Variants in SGK3 observed in about 807,000 individuals in gnomAD.
SGK3 encodes the protein serum/glucocorticoid regulated kinase family member 3.
Under a neutral mutation model 68.5 loss-of-function variants are expected in SGK3, and 47 were observed. The ratio of observed to expected loss-of-function variants is 0.69; its 90% CI spans 0.54 to 0.87. The LOEUF (loss-of-function observed/expected upper bound fraction) is 0.87, where lower values mean the gene tolerates loss of function less well. Among genes scored for constraint, SGK3 ranks in the 40% least tolerant of loss-of-function variants. The pLI, the probability that SGK3 is intolerant of heterozygous loss-of-function variation, is 0.00. For synonymous variants in SGK3, 181 were observed against 189.1 expected (o/e 0.96, Z 0.35); for missense variants, 479 against 575.5 (o/e 0.83, Z 1.72).
Position 66,850,847 on chromosome 8 carries a change from A to G in SGK3, c.1247A>G (p.His416Arg). 6.2e-7 allele frequency: 1 copy of G among 1,607,316 alleles called. No homozygotes were observed. Among genetic ancestry groups the G allele is most frequent in the East Asian group, 2.2e-5 (1 of 44,788 alleles). The change falls in exon 16 of 17, where the codon CAT (histidine) becomes CGT (arginine). Residue 416 changes from histidine (H) to arginine (R), a missense_variant. Physicochemically the swap from His to Arg is conservative, Grantham distance 29. Coordinates refer to ENST00000521198, the MANE Select transcript of SGK3 (RefSeq NM_001033578.3). ...AKEDFLEIQN[H>R]PFFESLSWAD... is the part of the protein sequence containing the mutation. ...ATATTCCAGCTTGAAATTCAGAATC[A>G]TCCTTTTTTTGAATCACTCAGCTGG... is the stretch of plus-strand genomic sequence containing the variant.
At chr8:66,723,131 A>ATATATATTTTTTTTT (rs1554591219) in intron 1 of SGK3, among the ~76,000 whole-genome samples, 1 of 29,496 alleles carries the variant, frequency 3.4e-5, no homozygotes, top group East Asian at 1.7e-3. Context: ...ATATATATAT[A>ATATATATTTTTTTTT]TTTTTTTTTT....
At chr8:66,729,184 A>C (rs1805066221) in intron 1 of SGK3, among the ~76,000 whole-genome samples, 1 of 133,352 alleles carries the variant, frequency 7.5e-6, no homozygotes, top group Non-Finnish European at 1.6e-5. Flanking sequence ...GCGCCTCTGC[A>C]CTCCTCTCAC....
chr8:66,828,713 A>G lies in SGK3; in HGVS notation c.467+10A>G, dbSNP rs776688735. ...CGTCTGGAAATCCTCAGTATGTTTA[A>G]TTTGCTTCAAACAATTTTTTAACTG... On this transcript the variant is annotated intron_variant, in intron 7 of 16. Coordinates refer to ENST00000521198, the MANE Select transcript of SGK3 (RefSeq NM_001033578.3). 6.2e-7 allele frequency: 1 copy of G among 1,613,832 alleles called. No individual in the cohort carries two copies. Among genetic ancestry groups the G allele is most frequent in the Non-Finnish European group, 8.5e-7 (1 of 1,179,986 alleles).
intron 1 of SGK3, among the ~76,000 whole-genome samples, chr8:66,789,175 G>T (rs2130557160): frequency 6.6e-6 from 1 of 151,496 alleles, no homozygotes; most frequent in East Asian, 1.9e-4. Context: ...TTTGTAATTG[G>T]TATCACCATC....
At chr8:66,793,524 T>A (rs1371539402) in intron 1 of SGK3, 92 bp from the exon 2 acceptor site, 12 of 420,208 alleles carry the variant, frequency 2.9e-5, no homozygotes, top group Middle Eastern at 1.3e-3. Flanking sequence ...CCTATCAGAA[T>A]AAACGAAAAT....
At chr8:66,771,444 G>A (rs754687343) in intron 1 of SGK3, among the ~76,000 whole-genome samples, 2 of 152,174 alleles carry the variant, frequency 1.3e-5, no homozygotes, top group Non-Finnish European at 2.9e-5. Flanking sequence ...TGCAAACTTG[G>A]TTCTGTTTGT....
Position 66,771,035 on chromosome 8 carries a change from C to G in SGK3, c.-121-22581C>G, listed in dbSNP as rs375976023. On this transcript the variant is annotated intron_variant, in intron 1 of 16. Transcript: ENST00000521198. The stretch of plus-strand genomic sequence containing the variant: ...AAAACAGATGTTTTATATATTTTTT[C>G]TGTCTCTTTTTCGTTTTTCCTTTTG... Among the ~76,000 whole-genome samples the G allele has an allele frequency of 2.6e-5, 4 of 152,256 alleles. No individual in the cohort carries two copies. The East Asian group carries it at 7.7e-4, about 29-fold the overall frequency.
In SGK3 at chr8:66,840,011, C is replaced by G; in HGVS notation, c.750C>G (p.Phe250Leu). 1 of 1,611,372 alleles carries G rather than the reference C, an allele frequency of 6.2e-7. No homozygotes were observed. The highest frequency in any genetic ancestry group is 8.5e-7 in the Non-Finnish European group (1 of 1,178,862). ...CACAACCAATTTGACAGCTTTTTTTCCACTTACAAAGAGAACGGTCCTTTC... is the reference window on the plus strand; with the variant it reads ...CACAACCAATTTGACAGCTTTTTTTGCACTTACAAAGAGAACGGTCCTTTC... ...LDFVNGGELF[F>L]HLQRERSFPE... The change falls in exon 11 of 17, where the codon TTC becomes TTG. Residue 250 changes from phenylalanine to leucine, a missense_variant. By Grantham distance (22) the Phe-to-Leu change is conservative. Around this residue, in one of 3 missense-constraint regions of SGK3, gnomAD observed 298 missense variants for 329.4 expected, o/e 0.90. Coordinates refer to ENST00000521198, the MANE Select transcript of SGK3 (RefSeq NM_001033578.3).
In SGK3 at chr8:66,847,268, G is replaced by A; in HGVS notation, c.1150G>A (p.Val384Met). 6.2e-7 allele frequency: 1 copy of A among 1,613,876 alleles called. No individual in the cohort carries two copies. The highest frequency in any genetic ancestry group is 8.5e-7 in the Non-Finnish European group (1 of 1,179,966). ...LHKPLSLRPG[V>M]SLTAWSILEE... ...CAAACCCCTAAGTTTGAGGCCAGGAGTGAGTCTTACAGCCTGGTCCATTCT... is the reference window on the plus strand; with the variant it reads ...CAAACCCCTAAGTTTGAGGCCAGGAATGAGTCTTACAGCCTGGTCCATTCT... Residue 384 changes from valine to methionine, a missense_variant, in exon 15 of 17, where the codon GTG (valine) becomes ATG (methionine). Physicochemically the swap from Val to Met is conservative, Grantham distance 21. Around this residue, in one of 3 missense-constraint regions of SGK3, gnomAD observed 173 missense variants for 214.3 expected, o/e 0.81. Coordinates refer to ENST00000521198, the MANE Select transcript of SGK3 (RefSeq NM_001033578.3).
chr8:66,768,020 G>A (rs576823781), intron 1 of SGK3: 76 of 720,050 alleles, frequency 1.1e-4, no homozygotes, highest in East Asian at 5.5e-4. Context: ...GATTATTGCC[G>A]CTCTCAACCA....
chr8:66,755,977 A>T (rs1805962039), intron 1 of SGK3, among the ~76,000 whole-genome samples: 1 of 152,094 alleles, frequency 6.6e-6, no homozygotes, highest in Non-Finnish European at 1.5e-5. Context: ...GTCCCCTCAA[A>T]TTCATATGTT....
intron 4 of SGK3, among the ~76,000 whole-genome samples, chr8:66,811,457 T>A (rs1282738505): frequency 1.3e-5 from 2 of 152,244 alleles, no homozygotes; most frequent in Non-Finnish European, 2.9e-5. Flanking sequence ...TCTTGGCACT[T>A]ATCCTATACA....
At chr8:66,843,623 A>G in intron 14 of SGK3, 76 bp downstream of exon 14, 1 of 1,432,302 alleles carries the variant, frequency 7.0e-7, no homozygotes, top group Non-Finnish European at 9.7e-7. Flanking sequence ...CCACCTTAAG[A>G]ATCTCATGGA....
At chr8:66,732,261 T>G (rs1273943414) in intron 1 of SGK3, among the ~76,000 whole-genome samples, 1 of 152,192 alleles carries the variant, frequency 6.6e-6, no homozygotes, top group Non-Finnish European at 1.5e-5. Flanking sequence ...CGGTAAATTC[T>G]TTTCCTCAAC....
intron 1 of SGK3, among the ~76,000 whole-genome samples, chr8:66,765,830 CCTGA>C (rs1806298651): frequency 6.6e-6 from 1 of 151,966 alleles, no homozygotes; most frequent in Non-Finnish European, 1.5e-5. Context: ...TTGAGACCAG[CCTGA>C]CTAACACGGT....
chr8:66,811,283 T>C (rs1585751505), intron 4 of SGK3, among the ~76,000 whole-genome samples: 1 of 152,302 alleles, frequency 6.6e-6, no homozygotes, highest in East Asian at 1.9e-4. Flanking sequence ...CTCCCAAAAC[T>C]GTGGGATTAC....
At chr8:66,767,879 T>G in intron 1 of SGK3, 2 of 1,306,440 alleles carry the variant, frequency 1.5e-6, no homozygotes, top group South Asian at 2.4e-5. Context: ...AAACATGATA[T>G]TGAAACTTGA....
chr8:66,797,927 T>C (rs1333970503), intron 2 of SGK3, among the ~76,000 whole-genome samples: 1 of 152,170 alleles, frequency 6.6e-6, no homozygotes, highest in Non-Finnish European at 1.5e-5. Context: ...CCCTGAAAAT[T>C]ACAGAAATAT....
At chr8:66,852,925 T>C (rs1241695171) in intron 16 of SGK3, among the ~76,000 whole-genome samples, 1 of 152,196 alleles carries the variant, frequency 6.6e-6, no homozygotes, top group Non-Finnish European at 1.5e-5. Flanking sequence ...TTGAAGAATG[T>C]TGAAGGGACT....
Sources: allele counts gnomAD v4.1 joint callset (sites outside exome capture counted in the v4.1 genomes callset), GRCh38; gene constraint gnomAD v4.1.1; regional missense constraint gnomAD v4.1.1; transcripts MANE v1.5; gene names NCBI Gene and HGNC (gene_info 2026-07-23, HGNC 2026-07-21).